Variants in ENPP2 observed in about 807,000 individuals in gnomAD.
ENPP2 encodes ectonucleotide pyrophosphatase/phosphodiesterase 2.
In ENPP2, 51 loss-of-function variants were observed where a neutral mutation model predicts 120.2. The observed-to-expected ratio is 0.42, with a 90% CI of 0.34 to 0.54. The LOEUF (loss-of-function observed/expected upper bound fraction) is 0.54, where lower values mean the gene tolerates loss of function less well. ENPP2 is among the 20% of genes least tolerant of loss of function. The probability of loss-of-function intolerance (pLI) is 0.04; values close to 1 mark genes in which losing one functional copy is unlikely to be tolerated. For synonymous variants in ENPP2, 365 were observed against 366.4 expected (o/e 1.00, Z 0.04); for missense variants, 920 against 1,066.5 (o/e 0.86, Z 1.91).
intron 11 of ENPP2, among the ~76,000 whole-genome samples, chr8:119,597,134 G>A (rs1813951575): frequency 6.6e-6 from 1 of 152,166 alleles, no homozygotes; most frequent in South Asian, 2.1e-4. Context: ...AGGCACTTCT[G>A]TTTCTGTCTC....
upstream of ENPP2, among the ~76,000 whole-genome samples, chr8:119,643,665 C>T (rs1047009012): frequency 3.3e-5 from 5 of 152,212 alleles, no homozygotes; most frequent in South Asian, 2.1e-4. Flanking sequence ...GGGAACTGGT[C>T]GTACTACATA....
At position 119,578,552 on chromosome 8, in the gene ENPP2, C is replaced by A. The variant is rs1428424113; in HGVS notation, c.1780+1564G>T. On this transcript the variant is annotated intron_variant, in intron 19 of 24. Transcript: ENST00000075322. ...TCATTAGTGACTTTTAGAAGAGAAG[C>A]ATCTGAGTAGTATTTATCTGCCTTG... 4 of 152,280 alleles carry A rather than the reference C, an allele frequency of 2.6e-5. No homozygotes were observed. In the East Asian group the frequency reaches 7.7e-4, roughly 29 times the overall value. The allele number at this position is 152,280 out of a possible 1,614,324, so 9.4% of individuals were successfully genotyped here.
intron 24 of ENPP2, among the ~76,000 whole-genome samples, chr8:119,558,546 C>A (rs1813659919): frequency 6.6e-6 from 1 of 152,080 alleles, no homozygotes; most frequent in South Asian, 2.1e-4. Context: ...AGATGTCCTG[C>A]ATCAAACAAC....
At chr8:119,593,973 C>A (rs1813717224) in intron 11 of ENPP2, 113 bp from the exon 12 acceptor site, 5 of 716,504 alleles carry the variant, frequency 7.0e-6, no homozygotes, top group Non-Finnish European at 1.3e-5. Flanking sequence ...GGCCCAGAGG[C>A]AGAGCTTTGT....
intron 9 of ENPP2, among the ~76,000 whole-genome samples, chr8:119,603,252 C>A (rs1694723639): frequency 1.3e-5 from 2 of 151,994 alleles, no homozygotes; most frequent in Admixed American, 6.6e-5. Context: ...ATGCCAGAGC[C>A]TTTTCATTAT....
intron 19 of ENPP2, chr8:119,572,090 A>G: frequency 1.2e-6 from 1 of 821,386 alleles, no homozygotes; most frequent in Non-Finnish European, 2.0e-6. Flanking sequence ...GAAATATAAT[A>G]AACAAATAAA....
intron 1 of ENPP2, among the ~76,000 whole-genome samples, chr8:119,662,121 T>C (rs1817937823): frequency 6.6e-6 from 1 of 152,122 alleles, no homozygotes; most frequent in Non-Finnish European, 1.5e-5. Context: ...TTATACAGCA[T>C]GGTGACTAGG....
At chr8:119,623,488 A>G (rs1816053536) in intron 3 of ENPP2, among the ~76,000 whole-genome samples, 1 of 151,978 alleles carries the variant, frequency 6.6e-6, no homozygotes, top group Non-Finnish European at 1.5e-5. Context: ...AGAGAGAGAG[A>G]TATTAGTTGT....
intron 2 of ENPP2, 142 bp from the exon 3 acceptor site, chr8:119,626,862 T>G (rs529748080): frequency 2.4e-5 from 17 of 698,074 alleles, no homozygotes; most frequent in African/African-American, 2.0e-4. Flanking sequence ...ACCCATGTAC[T>G]CTGGGCAGGT....
chr8:119,620,286 G>A (rs1815794931), intron 4 of ENPP2, among the ~76,000 whole-genome samples: 1 of 152,094 alleles, frequency 6.6e-6, no homozygotes, highest in African/African-American at 2.4e-5. Flanking sequence ...AACAGCCTTT[G>A]TGGCTTCCTG....
intron 4 of ENPP2, among the ~76,000 whole-genome samples, chr8:119,619,711 T>TAAA: frequency 9.0e-6 from 1 of 110,538 alleles, no homozygotes; most frequent in Non-Finnish European, 1.9e-5. Flanking sequence ...CTTTAGATGC[T>TAAA]AAAAAAAAAA....
In ENPP2 at chr8:119,558,034, G is replaced by A. The variant is rs538244835; in HGVS notation, c.2422-343C>T. On this transcript the variant is annotated intron_variant, in intron 24 of 24. Transcript: ENST00000075322. ...ATTCAGTAATTTGTTTCTTTTCCAA[G>A]CTGTCAAATTGCAATATTGAGCACA... Among the ~76,000 whole-genome samples the A allele has an allele frequency of 7.9e-5, 12 of 152,316 alleles. No homozygotes were observed. In the East Asian group the frequency reaches 2.3e-3, roughly 29 times the overall value.
intron 3 of ENPP2, among the ~76,000 whole-genome samples, chr8:119,625,918 C>A (rs373347324): frequency 6.6e-6 from 1 of 152,086 alleles, no homozygotes; most frequent in African/African-American, 2.4e-5. Flanking sequence ...CTACCCAGAG[C>A]GTGAGACTCC....
chr8:119,666,168 A>G (rs907552924), intron 1 of ENPP2, among the ~76,000 whole-genome samples: 1 of 152,240 alleles, frequency 6.6e-6, no homozygotes, highest in Admixed American at 6.5e-5. Flanking sequence ...ATGAGTTAAT[A>G]TACTTATCTC....
intron 18 of ENPP2, 191 bp from the exon 19 acceptor site, chr8:119,580,358 TTCTATGTTTGTAAGCACCTTCTTCAA>T: frequency 1.6e-6 from 1 of 608,166 alleles, no homozygotes; most frequent in Non-Finnish European, 2.9e-6. Flanking sequence ...CCTCTAGCAG[TTCTATGTTTGTAAGCACCTTCTTCAA>T]TCTCTGTTTC....
intron 4 of ENPP2, among the ~76,000 whole-genome samples, chr8:119,620,800 C>A (rs924338670): frequency 6.6e-6 from 1 of 152,226 alleles, no homozygotes; most frequent in Non-Finnish European, 1.5e-5. Flanking sequence ...TGGGGTATAA[C>A]AGGAAATGCT....
intron 1 of ENPP2, among the ~76,000 whole-genome samples, chr8:119,646,441 T>C (rs1817469620): frequency 6.6e-6 from 1 of 152,188 alleles, no homozygotes; most frequent in Admixed American, 6.5e-5. Context: ...GCCCAGAATC[T>C]GTTTTCGCAA....
At chr8:119,568,900 C>G (rs1814713921) in intron 21 of ENPP2, among the ~76,000 whole-genome samples, 1 of 152,170 alleles carries the variant, frequency 6.6e-6, no homozygotes, top group Non-Finnish European at 1.5e-5. Context: ...GTGGCTCATG[C>G]CTGGCCTCAA....
intron 2 of ENPP2, among the ~76,000 whole-genome samples, chr8:119,630,202 G>A (rs1027591026): frequency 7.9e-5 from 12 of 151,038 alleles, no homozygotes; most frequent in Admixed American, 1.3e-4. Context: ...TCTGCCTCCC[G>A]GGTTCAAAGG....
Sources: allele counts gnomAD v4.1 joint callset (sites outside exome capture counted in the v4.1 genomes callset), GRCh38; gene constraint gnomAD v4.1.1; transcripts MANE v1.5; gene names NCBI Gene and HGNC (gene_info 2026-07-23, HGNC 2026-07-21).